USP25: variants seen among roughly 807,000 people sequenced by gnomAD.
The protein encoded by USP25 is ubiquitin carboxyl-terminal hydrolase 25.
Under a neutral mutation model 158.5 loss-of-function variants are expected in USP25, and 85 were observed. That is an observed-to-expected ratio of 0.54 (90% CI 0.45 to 0.64). The LOEUF is 0.64. Among genes scored for constraint, USP25 ranks in the 30% least tolerant of loss-of-function variants. The pLI, the probability that USP25 is intolerant of heterozygous loss-of-function variation, is 0.00. For missense variants in USP25, 1,242 were observed against 1,327.3 expected, an observed-to-expected ratio of 0.94 and a Z score of 1.00; for synonymous variants, 464 against 460.4, an observed-to-expected ratio of 1.01 and a Z score of -0.10.
intron 4 of USP25, among the ~76,000 whole-genome samples, chr21:15,784,554 A>C (rs1001143943): frequency 1.4e-4 from 21 of 152,162 alleles, no homozygotes; most frequent in South Asian, 6.2e-4. Context: ...CTTGGGCAAC[A>C]AGAGCGAAAC....
intron 20 of USP25, among the ~76,000 whole-genome samples, chr21:15,861,225 T>C (rs146611614): frequency 0.013 from 2,033 of 152,154 alleles, 17 homozygotes; most frequent in Non-Finnish European, 0.022. Flanking sequence ...AACAAAGGCA[T>C]GTGTGCATTT....
intron 1 of USP25, 124 bp from the exon 2 acceptor site, chr21:15,762,767 T>C (rs1365816596): frequency 1.2e-6 from 1 of 800,254 alleles, no homozygotes; most frequent in Non-Finnish European, 1.9e-6. Context: ...TTTTTCCTTT[T>C]TTACTCTAGT....
chr21:15,876,047 G>A (rs2040085402), intron 24 of USP25: 1 of 152,196 alleles, frequency 6.6e-6, no homozygotes, highest in Admixed American at 6.5e-5. Flanking sequence ...CATAGCTGTT[G>A]GGTGAGTGGG....
chr21:15,797,370 G>T (rs974334329), intron 5 of USP25, among the ~76,000 whole-genome samples: 2 of 151,264 alleles, frequency 1.3e-5, no homozygotes, highest in African/African-American at 4.8e-5. Context: ...AATCCTAAAA[G>T]TTGCAAGGTG....
intron 8 of USP25, among the ~76,000 whole-genome samples, chr21:15,809,584 A>T (rs917853514): frequency 6.6e-6 from 1 of 152,332 alleles, no homozygotes; most frequent in East Asian, 1.9e-4. Flanking sequence ...TGTGGAAAAC[A>T]GTATGGGGAT....
intron 14 of USP25, among the ~76,000 whole-genome samples, chr21:15,828,108 A>G (rs2823501): frequency 0.065 from 9,952 of 152,194 alleles, 371 homozygotes; most frequent in African/African-American, 0.098. Context: ...TTATATGACC[A>G]ACTTAACTCT....
intron 20 of USP25, among the ~76,000 whole-genome samples, chr21:15,852,967 A>C (rs971704852): frequency 6.6e-6 from 1 of 152,152 alleles, no homozygotes; most frequent in African/African-American, 2.4e-5. Flanking sequence ...TCACCTTAAA[A>C]ATTTTTTCGT....
At chr21:15,739,082 C>A (rs2031796760) in intron 1 of USP25, among the ~76,000 whole-genome samples, 1 of 152,192 alleles carries the variant, frequency 6.6e-6, no homozygotes, top group South Asian at 2.1e-4. Context: ...AAACCCCTTC[C>A]TCCTTTAACT....
chr21:15,854,953 G>A (rs2039065004), intron 20 of USP25, among the ~76,000 whole-genome samples: 1 of 152,170 alleles, frequency 6.6e-6, no homozygotes, highest in African/African-American at 2.4e-5. Flanking sequence ...GGCTTACGGA[G>A]AGAAGATTCT....
At chr21:15,737,742 G>A (rs753539024) in intron 1 of USP25, among the ~76,000 whole-genome samples, 2 of 151,622 alleles carry the variant, frequency 1.3e-5, no homozygotes, top group East Asian at 1.9e-4. Flanking sequence ...TATATGGTGC[G>A]AGGTAGGGAT....
chr21:15,824,011 T>G (rs767694342), intron 10 of USP25, 28 bp from the exon 11 acceptor site: 1 of 1,599,564 alleles, frequency 6.3e-7, no homozygotes, highest in South Asian at 1.1e-5. Flanking sequence ...GGTATTAAAG[T>G]TTTTGTTATT....
chr21:15,848,753 A>G (rs2038747593), intron 19 of USP25, among the ~76,000 whole-genome samples: 1 of 152,164 alleles, frequency 6.6e-6, no homozygotes, highest in Non-Finnish European at 1.5e-5. Flanking sequence ...CGCCATAAAG[A>G]GAATAAGCAG....
chr21:15,856,124 T>G (rs1331727993), intron 20 of USP25, among the ~76,000 whole-genome samples: 1 of 152,230 alleles, frequency 6.6e-6, no homozygotes, highest in Non-Finnish European at 1.5e-5. Flanking sequence ...GGGATAATGA[T>G]GGACTGAGTT....
At chr21:15,754,182 A>G (rs2033224160) in intron 1 of USP25, among the ~76,000 whole-genome samples, 1 of 152,276 alleles carries the variant, frequency 6.6e-6, no homozygotes, top group Non-Finnish European at 1.5e-5. Flanking sequence ...TGGGTGGCAT[A>G]TTCTAGTCGC....
At chr21:15,802,240 A>G (rs1302535361) in intron 6 of USP25, among the ~76,000 whole-genome samples, 1 of 151,638 alleles carries the variant, frequency 6.6e-6, no homozygotes, top group Non-Finnish European at 1.5e-5. Context: ...ATCACTTTCC[A>G]CTACTTAAAG....
At chr21:15,784,724 T>G (rs1441684832) in intron 4 of USP25, among the ~76,000 whole-genome samples, 1 of 152,150 alleles carries the variant, frequency 6.6e-6, no homozygotes, top group East Asian at 1.9e-4. Flanking sequence ...GTAAGACTCT[T>G]CATGTTAGCT....
intron 1 of USP25, among the ~76,000 whole-genome samples, chr21:15,732,943 C>T (rs1318259491): frequency 2.0e-5 from 3 of 152,244 alleles, no homozygotes; most frequent in South Asian, 4.1e-4. Flanking sequence ...CTGCAGAAAG[C>T]TGCTTTTCTG....
At chr21:15,731,927 A>G (rs1409441266) in intron 1 of USP25, among the ~76,000 whole-genome samples, 1 of 152,238 alleles carries the variant, frequency 6.6e-6, no homozygotes. Flanking sequence ...GTTGAATATT[A>G]AAGTCTGTTT....
At chr21:15,772,515 G>A (rs2123466558) in intron 3 of USP25, among the ~76,000 whole-genome samples, 1 of 152,274 alleles carries the variant, frequency 6.6e-6, no homozygotes, top group East Asian at 1.9e-4. Flanking sequence ...GTCTTGCCTT[G>A]ACACAGATAT....
Sources: gnomAD v4.1 joint callset for allele counts (sites outside exome capture counted in the v4.1 genomes callset) on GRCh38, gnomAD v4.1.1 for gene constraint, MANE v1.5 for transcripts, NCBI Gene and HGNC (gene_info 2026-07-23, HGNC 2026-07-21) for gene names.